DPP6: variants seen among roughly 807,000 people sequenced by gnomAD.
DPP6 encodes the protein A-type potassium channel modulatory protein DPP6.
DPP6 carries 69 observed loss-of-function variants against 122.6 expected under a neutral mutation model. That is an observed-to-expected ratio of 0.56 (90% confidence interval 0.46 to 0.69). The LOEUF is 0.69. Among genes scored for constraint, DPP6 ranks in the 30% least tolerant of loss-of-function variants. The pLI is 0.00. For synonymous variants in DPP6, 418 were observed against 433.1 expected (o/e 0.97, Z 0.43); for missense variants, 928 against 1,116.9 (o/e 0.83, Z 2.41).
At chr7:153,954,361 T>G (rs1362847712) in intron 1 of DPP6, among the ~76,000 whole-genome samples, 6 of 152,210 alleles carry the variant, frequency 3.9e-5, no homozygotes, top group African/African-American at 1.4e-4. Flanking sequence ...TTCTACTAAA[T>G]TTTGTGTGTG....
At chr7:154,711,945 C>CACACACATACACA (rs1554443046) in intron 7 of DPP6, among the ~76,000 whole-genome samples, 3 of 149,796 alleles carry the variant, frequency 2.0e-5, no homozygotes, top group East Asian at 3.9e-4. Context: ...TTAATACACA[C>CACACACATACACA]ACACACACAC....
chr7:154,315,038 C>T (rs968582899), intron 1 of DPP6, among the ~76,000 whole-genome samples: 1 of 152,164 alleles, frequency 6.6e-6, no homozygotes, highest in Non-Finnish European at 1.5e-5. Flanking sequence ...TCGTAGCAAT[C>T]TGTCATATTT....
intron 1 of DPP6, among the ~76,000 whole-genome samples, chr7:153,898,726 A>T (rs1327961989): frequency 6.6e-6 from 1 of 152,188 alleles, no homozygotes; most frequent in Non-Finnish European, 1.5e-5. Context: ...GGCCTTCCAC[A>T]ATAAGCAGTG....
intron 5 of DPP6, among the ~76,000 whole-genome samples, chr7:154,636,623 C>T (rs912301941): frequency 6.6e-6 from 1 of 152,182 alleles, no homozygotes; most frequent in Non-Finnish European, 1.5e-5. Context: ...CTGAAAGCAC[C>T]AGATTGTTGG....
chr7:153,770,542 A>G, the DPP6 span, among the ~76,000 whole-genome samples: 1 of 152,208 alleles, frequency 6.6e-6, no homozygotes, highest in South Asian at 2.1e-4. Context: ...AGAAGGAAAA[A>G]AAAAGCCAAT....
intron 1 of DPP6, among the ~76,000 whole-genome samples, chr7:154,207,762 C>CT (rs1210973894): frequency 1.3e-5 from 2 of 152,096 alleles, no homozygotes; most frequent in African/African-American, 4.8e-5. Flanking sequence ...CCCAGAGAAT[C>CT]TTTTTTTGGA....
At chr7:153,961,338 A>AT (rs1323468598) in intron 1 of DPP6, among the ~76,000 whole-genome samples, 1 of 67,610 alleles carries the variant, frequency 1.5e-5, no homozygotes, top group East Asian at 1.4e-3. Flanking sequence ...CTTTTTCCTC[A>AT]TTTTTTTATT....
intron 5 of DPP6, among the ~76,000 whole-genome samples, chr7:154,627,831 G>A (rs754454276): frequency 2.6e-5 from 4 of 152,216 alleles, no homozygotes; most frequent in South Asian, 2.1e-4. Flanking sequence ...TGCAACAGGA[G>A]TCTGACGCCA....
chr7:153,992,103 C>A (rs554020014), intron 1 of DPP6, among the ~76,000 whole-genome samples: 140 of 152,036 alleles, frequency 9.2e-4, no homozygotes, highest in African/African-American at 3.2e-3. Context: ...GATTTGAACA[C>A]CTCCCAAAAG....
chr7:154,219,861 G>T (rs1800205042), intron 1 of DPP6, among the ~76,000 whole-genome samples: 1 of 152,110 alleles, frequency 6.6e-6, no homozygotes, highest in Non-Finnish European at 1.5e-5. Context: ...TGCTGGGATT[G>T]CAGTTGTGAG....
intron 1 of DPP6, among the ~76,000 whole-genome samples, chr7:153,945,163 C>A (rs773414662): frequency 6.6e-6 from 1 of 152,206 alleles, no homozygotes; most frequent in East Asian, 1.9e-4. Flanking sequence ...ACAACTGCTG[C>A]TCTGTGTGTT....
chr7:153,906,355 C>G (rs1374293042), intron 1 of DPP6, among the ~76,000 whole-genome samples: 1 of 152,190 alleles, frequency 6.6e-6, no homozygotes, highest in Admixed American at 6.5e-5. Context: ...TCCTCCCACC[C>G]TCCAATCTTT....
chr7:154,720,767 G>A (rs1226051134), intron 7 of DPP6, among the ~76,000 whole-genome samples: 2 of 152,378 alleles, frequency 1.3e-5, no homozygotes, highest in Non-Finnish European at 2.9e-5. Context: ...AAAGGGGTGG[G>A]CAGCCCCTTC....
intron 1 of DPP6, among the ~76,000 whole-genome samples, chr7:154,243,404 G>A (rs904116514): frequency 6.6e-6 from 1 of 152,132 alleles, no homozygotes; most frequent in Non-Finnish European, 1.5e-5. Flanking sequence ...GTCATAATGA[G>A]TAAACAGAGG....
intron 1 of DPP6, among the ~76,000 whole-genome samples, chr7:154,162,537 C>T (rs969513520): frequency 6.6e-6 from 1 of 152,204 alleles, no homozygotes; most frequent in Admixed American, 6.5e-5. Flanking sequence ...GAGCCTGGCA[C>T]ACTCTGGAGC....
intron 1 of DPP6, among the ~76,000 whole-genome samples, chr7:153,931,770 T>G (rs1052481339): frequency 6.6e-6 from 1 of 152,228 alleles, no homozygotes; most frequent in South Asian, 2.1e-4. Context: ...GCCTAAGCAT[T>G]GTATTTCAAC....
chr7:154,576,722 C>T (rs1222653681), intron 5 of DPP6, among the ~76,000 whole-genome samples: 1 of 152,230 alleles, frequency 6.6e-6, no homozygotes, highest in African/African-American at 2.4e-5. Context: ...ATACCAGGCT[C>T]TTGGGGGAGG....
chr7:154,637,415 C>T (rs566629336), intron 5 of DPP6, among the ~76,000 whole-genome samples: 20 of 152,332 alleles, frequency 1.3e-4, no homozygotes, highest in African/African-American at 4.3e-4. Flanking sequence ...TTCTGGTGGA[C>T]CCCTTCCCAT....
intron 2 of DPP6, among the ~76,000 whole-genome samples, chr7:154,453,372 C>T (rs57010504): frequency 0.05 from 7,574 of 152,142 alleles, 402 homozygotes; most frequent in African/African-American, 0.12. Flanking sequence ...TGGGTAGAAA[C>T]GTAACATAGA....
Sources: gnomAD v4.1 joint callset for allele counts (sites outside exome capture counted in the v4.1 genomes callset) on GRCh38, gnomAD v4.1.1 for gene constraint, MANE v1.5 for transcripts, NCBI Gene and HGNC (gene_info 2026-07-23, HGNC 2026-07-21) for gene names.